KIF20B: variants seen among roughly 807,000 people sequenced by gnomAD.
KIF20B encodes kinesin-like protein KIF20B.
KIF20B carries 188 observed loss-of-function variants against 232.5 expected under a neutral mutation model. The ratio of observed to expected loss-of-function variants is 0.81; its 90% CI spans 0.72 to 0.91. KIF20B has a LOEUF of 0.91. KIF20B is among the 40% of genes least tolerant of loss of function. KIF20B has a pLI of 0.00. For synonymous variants in KIF20B, 712 were observed against 683.0 expected (o/e 1.04, Z -0.66); for missense variants, 2,154 against 2,055.9 (o/e 1.05, Z -0.92).
intron 2 of KIF20B, 78 bp downstream of exon 2, chr10:89,705,519 G>A: frequency 7.8e-7 from 1 of 1,289,340 alleles, no homozygotes; most frequent in South Asian, 1.5e-5. Flanking sequence ...GCCTGTTTTT[G>A]TATTACCTGT....
Position 89,742,725 on chromosome 10 carries a change from A to C in KIF20B, c.3916-1083A>C, listed in dbSNP as rs1453008571. ...TTTTTTTTTTTTTTTTTTTGGGCGG[A>C]GTCTCACTCTGTTGCCCAGGCTGGA... On this transcript the variant is annotated intron_variant, in intron 21 of 32. Coordinates refer to ENST00000371728, the MANE Select transcript of KIF20B (RefSeq NM_001284259.2). Among the ~76,000 whole-genome samples, 15 of 93,726 alleles carry C rather than the reference A, an allele frequency of 1.6e-4. No individual in the cohort carries two copies. In the East Asian group the frequency reaches 3.9e-3, roughly 24 times the overall value. The allele number at this position is 93,726 out of a possible 152,430, so 61.5% of individuals were successfully genotyped here.
intron 11 of KIF20B, 109 bp downstream of exon 11, chr10:89,717,831 T>G: frequency 1.5e-6 from 1 of 665,236 alleles, no homozygotes; most frequent in South Asian, 2.2e-5. Flanking sequence ...GCTTCTTATG[T>G]AATGACTGTG....
In KIF20B at chr10:89,738,450, A is replaced by C; in HGVS notation, c.3609A>C (p.Glu1203Asp). ...IILKLERNLK[E>D]FQEHLQDSVK... Reference sequence around the variant, plus strand: ...TAAAGCTAGAAAGAAATTTGAAGGAATTTCAAGAACATCTTCAGGATTCTG... The same window carrying C: ...TAAAGCTAGAAAGAAATTTGAAGGACTTTCAAGAACATCTTCAGGATTCTG... Residue 1203 changes from glutamate (E) to aspartate (D), a missense_variant, in exon 20 of 33, where the codon GAA becomes GAC. Coordinates refer to ENST00000371728, the MANE Select transcript of KIF20B (RefSeq NM_001284259.2). 1 of 1,603,538 alleles carries C rather than the reference A, an allele frequency of 6.2e-7. No homozygotes were observed. The highest frequency in any genetic ancestry group is 8.5e-7 in the Non-Finnish European group (1 of 1,177,172).
intron 1 of KIF20B, 70 bp downstream of exon 1, chr10:89,701,750 G>T (rs1241777988): frequency 6.6e-6 from 1 of 152,286 alleles, no homozygotes; most frequent in Non-Finnish European, 1.5e-5. Flanking sequence ...GGCCTAAGGT[G>T]GGGAAACGGC....
intron 26 of KIF20B, among the ~76,000 whole-genome samples, chr10:89,755,765 T>G (rs1466310614): frequency 6.6e-6 from 1 of 151,958 alleles, no homozygotes; most frequent in African/African-American, 2.4e-5. Context: ...AGGTAAATCT[T>G]TTATTTTTTG....
chr10:89,733,788 TA>T (rs1219357605), intron 19 of KIF20B, among the ~76,000 whole-genome samples: 1 of 152,162 alleles, frequency 6.6e-6, no homozygotes, highest in Non-Finnish European at 1.5e-5. Context: ...TTATACATAA[TA>T]AAACCTTGTC....
At chr10:89,755,417 TCCCTC>T (rs1185598793) in intron 26 of KIF20B, among the ~76,000 whole-genome samples, 3 of 113,310 alleles carry the variant, frequency 2.6e-5, no homozygotes, top group Non-Finnish European at 5.6e-5. Flanking sequence ...CTCCTTTCCT[TCCCTC>T]CCCTCCCCCC....
intron 5 of KIF20B, 110 bp from the exon 6 acceptor site, chr10:89,710,851 C>G (rs1842823004): frequency 1.4e-6 from 1 of 703,526 alleles, no homozygotes; most frequent in African/African-American, 1.8e-5. Context: ...ATTTCCGTTT[C>G]AGTTGTTGAC....
intron 28 of KIF20B, among the ~76,000 whole-genome samples, chr10:89,761,751 G>T (rs1842246306): frequency 6.6e-6 from 1 of 152,162 alleles, no homozygotes; most frequent in Non-Finnish European, 1.5e-5. Flanking sequence ...AGAAAAGTTT[G>T]AAGTTTATCC....
chr10:89,753,092 G>C (rs186213965), intron 25 of KIF20B, among the ~76,000 whole-genome samples: 277 of 152,264 alleles, frequency 1.8e-3, no homozygotes, highest in East Asian at 0.011. Context: ...TATTGGAATA[G>C]AATTGTATAT....
intron 21 of KIF20B, 113 bp downstream of exon 21, chr10:89,739,209 TTTTC>T: frequency 8.3e-7 from 1 of 1,210,060 alleles, no homozygotes; most frequent in Non-Finnish European, 1.1e-6. Context: ...ACTTTATAAT[TTTTC>T]TTAAAATTAC....
At position 89,768,733 on chromosome 10, in the gene KIF20B, A is replaced by G. The variant is rs1842411488; in HGVS notation, c.5092-5A>G. ...AACAATAACAAAAAATGTTTTGTTTATTAGGTTGCCATACGTCCATCATCT... is the reference window on the plus strand; with the variant it reads ...AACAATAACAAAAAATGTTTTGTTTGTTAGGTTGCCATACGTCCATCATCT... On this transcript the variant is annotated splice_polypyrimidine_tract_variant and splice_region_variant and intron_variant, in intron 30 of 32. Transcript: ENST00000371728. The G allele has an allele frequency of 1.9e-6, 3 of 1,579,066 alleles. No individual in the cohort carries two copies. The highest frequency in any genetic ancestry group is 2.0e-5 in the Admixed American group (1 of 50,162).
chr10:89,770,463 C>G (rs1444184983), intron 31 of KIF20B, among the ~76,000 whole-genome samples: 1 of 151,874 alleles, frequency 6.6e-6, no homozygotes, highest in Non-Finnish European at 1.5e-5. Context: ...AGGCTTACTA[C>G]CACTTTTATA....
At chr10:89,751,558 C>T (rs565563610) in intron 24 of KIF20B, 87 bp downstream of exon 24, 53 of 1,258,430 alleles carry the variant, frequency 4.2e-5, no homozygotes, top group Non-Finnish European at 5.6e-5. Context: ...TAAAGTAGTA[C>T]GTATTTTCAG....
intron 28 of KIF20B, 57 bp from the exon 29 acceptor site, chr10:89,762,581 G>T (rs1842265606): frequency 2.3e-6 from 3 of 1,317,206 alleles, no homozygotes; most frequent in Admixed American, 1.9e-5. Flanking sequence ...TTAATTCTTT[G>T]TGGTTTATAA....
In KIF20B at chr10:89,736,170, T is replaced by C. The variant is rs534635458; in HGVS notation, c.2546-1217T>C. Among the ~76,000 whole-genome samples the C allele has an allele frequency of 1.2e-4, 19 of 152,240 alleles. 1 individual carries two copies. Among genetic ancestry groups the C allele is most frequent in the African/African-American group, 4.3e-4 (18 of 41,536 alleles). On this transcript the variant is annotated intron_variant, in intron 19 of 32. Coordinates refer to ENST00000371728, the MANE Select transcript of KIF20B (RefSeq NM_001284259.2). ...CATATAAACATCAAACCATGAAGTA[T>C]AACAAAACAGGAAAAAATTTCTAAA...
chr10:89,721,493 G>A (rs1349613572), intron 13 of KIF20B, among the ~76,000 whole-genome samples: 1 of 152,030 alleles, frequency 6.6e-6, no homozygotes. Context: ...GCAACATAGT[G>A]AGACCCCATC....
rs146393515 is a variant in KIF20B, at chr10:89,737,506, G to T, written c.2665G>T (p.Ala889Ser). 5 of 1,610,296 alleles carry T rather than the reference G, an allele frequency of 3.1e-6. No individual in the cohort carries two copies. In the African/African-American group the frequency reaches 5.4e-5, roughly 17 times the overall value. ...VLQENNEGLR[A>S]FLLTIENELK... ...ACAAGAAAATAATGAAGGACTGAGA[G>T]CATTTTTACTCACTATTGAGAATGA... Residue 889 changes from alanine (A) to serine (S), a missense_variant, in exon 20 of 33, where the codon GCA becomes TCA. Transcript: ENST00000371728.
At chr10:89,710,121 G>T (rs895857763) in intron 5 of KIF20B, 56 bp downstream of exon 5, 2 of 1,476,388 alleles carry the variant, frequency 1.4e-6, no homozygotes, top group Admixed American at 2.0e-5. Context: ...TAATCACTCA[G>T]TGTTTTTATA....
Sources: gnomAD v4.1 joint callset for allele counts (sites outside exome capture counted in the v4.1 genomes callset) on GRCh38, gnomAD v4.1.1 for gene constraint, MANE v1.5 for transcripts, NCBI Gene and HGNC (gene_info 2026-07-23, HGNC 2026-07-21) for gene names.